The following GLIS3 variants were observed in gnomAD, a reference collection of about 807,000 sequenced individuals.
GLIS3 encodes the protein zinc finger protein GLIS3.
In GLIS3, 53 loss-of-function variants were observed where a neutral mutation model predicts 78.6. The ratio of observed to expected loss-of-function variants is 0.67; its 90% CI spans 0.54 to 0.85. The LOEUF (loss-of-function observed/expected upper bound fraction) is 0.85. Ranked by LOEUF, GLIS3 falls within the 40% of genes least tolerant of loss-of-function variation. The pLI is 0.00. For synonymous variants in GLIS3, 684 were observed against 509.9 expected (o/e 1.34, Z -4.60); for missense variants, 1,703 against 1,231.1 (o/e 1.38, Z -5.74).
At chr9:3,853,218 G>C (rs556419650) in intron 9 of GLIS3, among the ~76,000 whole-genome samples, 1 of 152,164 alleles carries the variant, frequency 6.6e-6, no homozygotes, top group African/African-American at 2.4e-5. Context: ...AAAGTAAATT[G>C]TTTTTAATGT....
At chr9:3,926,347 C>T (rs958998405) in intron 6 of GLIS3, among the ~76,000 whole-genome samples, 8 of 151,238 alleles carry the variant, frequency 5.3e-5, no homozygotes, top group Admixed American at 4.6e-4. Flanking sequence ...TCTCCTGCCT[C>T]AGCCTCCAGA....
intron 6 of GLIS3, among the ~76,000 whole-genome samples, chr9:3,916,671 CACTT>C (rs1355130147): frequency 1.3e-5 from 2 of 152,158 alleles, no homozygotes; most frequent in Non-Finnish European, 2.9e-5. Context: ...AGGATTAAAA[CACTT>C]ACTCTTTACT....
intron 4 of GLIS3, among the ~76,000 whole-genome samples, chr9:4,058,088 A>C (rs1027429119): frequency 3.9e-5 from 6 of 152,224 alleles, no homozygotes; most frequent in African/African-American, 1.4e-4. Flanking sequence ...CCCCTGATGC[A>C]TGGATTGTAC....
chr9:4,067,539 T>C (rs1225249946), intron 4 of GLIS3, among the ~76,000 whole-genome samples: 7 of 150,694 alleles, frequency 4.6e-5, no homozygotes, highest in South Asian at 4.1e-4. Flanking sequence ...AACATCCCTA[T>C]GAAATAATTC....
At chr9:4,087,600 T>C (rs150361403) in intron 4 of GLIS3, among the ~76,000 whole-genome samples, 283 of 152,212 alleles carry the variant, frequency 1.9e-3, no homozygotes, top group Admixed American at 4.4e-3. Flanking sequence ...TCTGGCCTCA[T>C]AGAGCTTAAA....
the GLIS3 span, among the ~76,000 whole-genome samples, chr9:4,444,530 A>G: frequency 3.3e-5 from 4 of 121,178 alleles, no homozygotes; most frequent in Non-Finnish European, 5.6e-5. Context: ...TTTGTATTCC[A>G]ACAACTTCAA....
intron 1 of GLIS3, among the ~76,000 whole-genome samples, chr9:4,347,356 C>G (rs1329023295): frequency 6.6e-6 from 1 of 152,156 alleles, no homozygotes; most frequent in African/African-American, 2.4e-5. Context: ...TCTCATTAGG[C>G]TCCACCTCCA....
At chr9:3,993,177 T>C (rs189836150) in intron 4 of GLIS3, among the ~76,000 whole-genome samples, 20 of 152,252 alleles carry the variant, frequency 1.3e-4, no homozygotes, top group Non-Finnish European at 2.5e-4. Context: ...GGCCTGAAAA[T>C]ATTCCAGATT....
intron 2 of GLIS3, among the ~76,000 whole-genome samples, chr9:4,318,550 C>G (rs1817473274): frequency 6.6e-6 from 1 of 152,008 alleles, no homozygotes; most frequent in African/African-American, 2.4e-5. Flanking sequence ...CAATTATGGG[C>G]AATTTTAGCT....
upstream of GLIS3, among the ~76,000 whole-genome samples, chr9:4,303,795 T>C (rs1222729143): frequency 6.6e-6 from 1 of 152,248 alleles, no homozygotes; most frequent in Non-Finnish European, 1.5e-5. Context: ...GATGTATTCC[T>C]TGACATATTA....
At chr9:4,194,164 T>C (rs1362726880) in intron 2 of GLIS3, among the ~76,000 whole-genome samples, 2 of 152,116 alleles carry the variant, frequency 1.3e-5, no homozygotes, top group African/African-American at 4.8e-5. Context: ...TTCAAGCAAC[T>C]CTCCTGCCTC....
chr9:4,049,080 C>T (rs1284021867), intron 4 of GLIS3, among the ~76,000 whole-genome samples: 1 of 152,114 alleles, frequency 6.6e-6, no homozygotes, highest in African/African-American at 2.4e-5. Context: ...CAGACACACA[C>T]CAATGATGTC....
intron 2 of GLIS3, among the ~76,000 whole-genome samples, chr9:4,230,713 CA>C (rs1822182237): frequency 6.6e-6 from 1 of 152,124 alleles, no homozygotes. Flanking sequence ...TGTGAAACTA[CA>C]AAAGCATCCG....
intron 2 of GLIS3, among the ~76,000 whole-genome samples, chr9:4,191,032 A>C (rs1818288000): frequency 6.6e-6 from 1 of 151,926 alleles, no homozygotes; most frequent in African/African-American, 2.4e-5. Flanking sequence ...TCCTGAAGGA[A>C]GCGCTAAACA....
chr9:4,281,683 G>C (rs1316112502), intron 2 of GLIS3, among the ~76,000 whole-genome samples: 1 of 151,992 alleles, frequency 6.6e-6, no homozygotes, highest in Non-Finnish European at 1.5e-5. Context: ...TCTTCCTTTT[G>C]GCTATCATAA....
intron 4 of GLIS3, among the ~76,000 whole-genome samples, chr9:4,115,778 C>G (rs76338121): frequency 0.021 from 3,182 of 152,124 alleles, 56 homozygotes; most frequent in Non-Finnish European, 0.032. Flanking sequence ...CCTAAGAAAC[C>G]CTGTTTATTA....
intron 5 of GLIS3, chr9:3,932,897 C>T (rs528290598): frequency 3.1e-6 from 1 of 327,118 alleles, no homozygotes; most frequent in African/African-American, 2.2e-5. Context: ...CAGAAAAAAA[C>T]TGGGTATTTT....
chr9:4,052,299 A>G (rs1243645236), intron 4 of GLIS3, among the ~76,000 whole-genome samples: 1 of 152,224 alleles, frequency 6.6e-6, no homozygotes, highest in Non-Finnish European at 1.5e-5. Flanking sequence ...CTCGTGTCAA[A>G]CATCACAATT....
At position 4,111,711 on chromosome 9, in the gene GLIS3, G is replaced by A. The variant is rs561726849; in HGVS notation, c.1710+6057C>T. On this transcript the variant is annotated intron_variant, in intron 4 of 10. Coordinates refer to ENST00000381971, the MANE Select transcript of GLIS3 (RefSeq NM_001042413.2). Reference sequence around the variant, plus strand: ...AGATACATATGTTTGTATCTCTTACGTAAAATCGCTGGGAAAGAAATCTTA... The same window carrying A: ...AGATACATATGTTTGTATCTCTTACATAAAATCGCTGGGAAAGAAATCTTA... 1.5e-4 allele frequency among the ~76,000 whole-genome samples: 23 copies of A among 152,256 alleles called. No individual in the cohort carries two copies. The South Asian group carries it at 1.7e-3, about 11-fold the overall frequency.
Sources: allele counts gnomAD v4.1 joint callset (sites outside exome capture counted in the v4.1 genomes callset), GRCh38; gene constraint gnomAD v4.1.1; transcripts MANE v1.5; gene names NCBI Gene and HGNC (gene_info 2026-07-23, HGNC 2026-07-21).